Variants in SLC71A2 observed in about 807,000 individuals in gnomAD.
SLC71A2 encodes the protein hippocampus abundant transcript-like 1.
the SLC71A2 span, among the ~76,000 whole-genome samples, chr9:94,457,882 G>GT: frequency 1.3e-5 from 2 of 152,184 alleles, no homozygotes; most frequent in African/African-American, 4.8e-5. Context: ...GCACTTCTGG[G>GT]TTTTTCAGTG....
At chr9:94,412,083 A>G in the SLC71A2 span, among the ~76,000 whole-genome samples, 51 of 152,304 alleles carry the variant, frequency 3.3e-4, no homozygotes, top group South Asian at 8.3e-4. Context: ...TGCTTCATCA[A>G]TAGTTTACAA....
chr9:94,446,529 A>G, the SLC71A2 span, among the ~76,000 whole-genome samples: 3 of 152,350 alleles, frequency 2.0e-5, no homozygotes, highest in East Asian at 5.8e-4. Flanking sequence ...TTCTGTTTAT[A>G]GGAAGTTCGG....
chr9:94,445,431 AAG>A, the SLC71A2 span, among the ~76,000 whole-genome samples: 2 of 152,172 alleles, frequency 1.3e-5, no homozygotes, highest in Non-Finnish European at 2.9e-5. Context: ...AGAGTTTGGG[AAG>A]AGAGTTTCTT....
chr9:94,459,354 G>A, the SLC71A2 span: 5 of 1,614,130 alleles, frequency 3.1e-6, no homozygotes, highest in South Asian at 4.4e-5. Context: ...CTGCAAGACA[G>A]CAGCATCTGG....
the SLC71A2 span, among the ~76,000 whole-genome samples, chr9:94,425,006 C>G: frequency 6.6e-6 from 1 of 151,622 alleles, no homozygotes; most frequent in Non-Finnish European, 1.5e-5. Context: ...TGAGACTGTC[C>G]AGATATCTTG....
the SLC71A2 span, among the ~76,000 whole-genome samples, chr9:94,448,014 TTATC>T: frequency 2.0e-5 from 3 of 152,250 alleles, no homozygotes; most frequent in South Asian, 2.1e-4. Context: ...ATTTGCCAGT[TTATC>T]CATTCACCCA....
the SLC71A2 span, among the ~76,000 whole-genome samples, chr9:94,439,282 C>T: frequency 6.7e-6 from 1 of 150,128 alleles, no homozygotes; most frequent in Non-Finnish European, 1.5e-5. Flanking sequence ...GCTGGGATTA[C>T]AGGCGTGAGC....
chr9:94,456,056 GT>G, the SLC71A2 span, among the ~76,000 whole-genome samples: 6 of 151,876 alleles, frequency 4.0e-5, no homozygotes, highest in South Asian at 4.2e-4. Flanking sequence ...TAGGCCATTC[GT>G]TTCCTCCAGT....
the SLC71A2 span, among the ~76,000 whole-genome samples, chr9:94,442,767 T>A: frequency 6.6e-6 from 1 of 151,814 alleles, no homozygotes; most frequent in African/African-American, 2.4e-5. Flanking sequence ...GGAGAATTGC[T>A]TGAACCCAGG....
the SLC71A2 span, chr9:94,451,577 A>G: frequency 1.0e-6 from 1 of 987,792 alleles, no homozygotes; most frequent in East Asian, 2.6e-5. Flanking sequence ...TATCCTGATA[A>G]CCATAGTTTC....
At chr9:94,419,464 T>G in the SLC71A2 span, among the ~76,000 whole-genome samples, 123 of 151,962 alleles carry the variant, frequency 8.1e-4, no homozygotes, top group East Asian at 3.1e-3. Flanking sequence ...TGGCTCTTTT[T>G]TTTTGTTTTG....
chr9:94,451,074 A>G, the SLC71A2 span, among the ~76,000 whole-genome samples: 1 of 152,140 alleles, frequency 6.6e-6, no homozygotes, highest in African/African-American at 2.4e-5. Context: ...GTGCAGGCAA[A>G]GTTGAGAGCC....
chr9:94,442,389 A>G, the SLC71A2 span, among the ~76,000 whole-genome samples: 4 of 151,934 alleles, frequency 2.6e-5, no homozygotes, highest in Non-Finnish European at 4.4e-5. Context: ...TGACTCTTCT[A>G]CCTTCCCTCT....
chr9:94,424,243 G>C, the SLC71A2 span, among the ~76,000 whole-genome samples: 2 of 126,630 alleles, frequency 1.6e-5, no homozygotes, highest in Non-Finnish European at 3.3e-5. Context: ...TTTTTTTGGC[G>C]GAGGGGGGAG....
chr9:94,434,605 G>A, the SLC71A2 span, among the ~76,000 whole-genome samples: 226 of 152,186 alleles, frequency 1.5e-3, 2 homozygotes, highest in African/African-American at 5.3e-3. Context: ...GTGAGCCACT[G>A]TGTCCAGCAA....
chr9:94,387,281 G>C, the SLC71A2 span, among the ~76,000 whole-genome samples: 73,761 of 151,872 alleles, frequency 0.49, 18,153 homozygotes, highest in East Asian at 0.6. Flanking sequence ...GAAATCTACT[G>C]TTCTACTAGA....
At chr9:94,387,378 G>T in the SLC71A2 span, among the ~76,000 whole-genome samples, 15 of 151,986 alleles carry the variant, frequency 9.9e-5, no homozygotes, top group Admixed American at 2.0e-4. Context: ...ATGTTTTCCC[G>T]CCTTTTAAAT....
chr9:94,440,848 G>T, the SLC71A2 span: 14 of 429,422 alleles, frequency 3.3e-5, no homozygotes, highest in African/African-American at 1.0e-4. Context: ...AATTTTTTTT[G>T]ATATATTTAA....
At chr9:94,415,161 C>G in the SLC71A2 span, 1 of 1,611,542 alleles carries the variant, frequency 6.2e-7, no homozygotes, top group African/African-American at 1.3e-5. Flanking sequence ...TTTTTAGCTA[C>G]AAGGCTTTGG....
Sources: gnomAD v4.1 joint callset for allele counts (sites outside exome capture counted in the v4.1 genomes callset) on GRCh38, gnomAD v4.1.1 for gene constraint, MANE v1.5 for transcripts, NCBI Gene and HGNC (gene_info 2026-07-23, HGNC 2026-07-21) for gene names.